Variants in GH1 observed in about 807,000 individuals in gnomAD.
The protein encoded by GH1 is growth hormone 1, also known as somatotropin.
GH1 carries 13 observed loss-of-function variants against 24.5 expected under a neutral mutation model. The ratio of observed to expected loss-of-function variants is 0.53; its 90% CI spans 0.35 to 0.85. The LOEUF is 0.85. Ranked by LOEUF, GH1 falls within the 40% of genes least tolerant of loss-of-function variation. The pLI, the probability that GH1 is intolerant of heterozygous loss-of-function variation, is 0.01. For synonymous variants in GH1, 126 were observed against 116.3 expected, an observed-to-expected ratio of 1.08 and a Z score of -0.54; for missense variants, 294 against 273.2, an observed-to-expected ratio of 1.08 and a Z score of -0.54.
In GH1 at chr17:63,918,081, G is replaced by T; in HGVS notation, c.227C>A (p.Thr76Asn). The change falls in exon 3 of 5, where the codon ACC becomes AAC. Residue 76 changes from threonine (T) to asparagine (N), a missense_variant. Physicochemically the swap from Thr to Asn is moderately conservative, Grantham distance 65. Coordinates refer to ENST00000323322, the MANE Select transcript of GH1 (RefSeq NM_000515.5). ...QKYSFLQNPQ[T>N]SLCFSESIPT... The stretch of plus-strand genomic sequence containing the variant: ...AATAGACTCTGAGAAACAGAGGGAG[G>T]TCTGGGGGTTCTGCAGGAATGAATA... 1 of 1,614,140 alleles carries T rather than the reference G, an allele frequency of 6.2e-7. No individual in the cohort carries two copies. The highest frequency in any genetic ancestry group is 8.5e-7 in the Non-Finnish European group (1 of 1,180,008).
At position 63,917,811 on chromosome 17, in the gene GH1, G is replaced by C; in HGVS notation, c.405C>G (p.Asn135Lys). The C allele has an allele frequency of 6.2e-7, 1 of 1,614,142 alleles. No individual in the cohort carries two copies. The highest frequency in any genetic ancestry group is 8.5e-7 in the Non-Finnish European group (1 of 1,180,044). ...CTAGGTCCTTTAGGAGGTCATAGAC[G>C]TTGCTGTCAGAGGCGCCGTACACCA... is the stretch of plus-strand genomic sequence containing the variant. ...NSLVYGASDS[N>K]VYDLLKDLEE... Residue 135 changes from asparagine (N) to lysine (K), a missense_variant, in exon 4 of 5, where the codon AAC becomes AAG. Asn to Lys is a moderately conservative substitution (Grantham distance 94). Transcript: ENST00000323322.
At chr17:63,917,721 TGG>T (rs1479325637) in intron 4 of GH1, 37 bp downstream of exon 4, 1 of 1,614,162 alleles carries the variant, frequency 6.2e-7, no homozygotes, top group Non-Finnish European at 8.5e-7. Flanking sequence ...TCAAAGTCAG[TGG>T]GGCTCCAGGA....
At position 63,918,780 on chromosome 17, in the gene GH1, A is replaced by C. The variant is rs6173; in HGVS notation, c.-4T>G. On this transcript the variant is annotated 5_prime_UTR_variant, in exon 1 of 5. Coordinates refer to ENST00000323322, the MANE Select transcript of GH1 (RefSeq NM_000515.5). ...AGGGGCGCTTACCTGTAGCCATTGC[A>C]GCTAGGTGAGCTGTCCACAGGACCC... The C allele has an allele frequency of 0.042, 66,978 of 1,606,548 alleles. 1,831 individuals carry two copies. The highest frequency in any genetic ancestry group is 0.097 in the African/African-American group (7,116 of 73,610).
At position 63,917,435 on chromosome 17, in the gene GH1, T is replaced by C. The variant is rs397843499; in HGVS notation, c.528A>G (p.Ser176=). 5 of 1,613,954 alleles carry C rather than the reference T, an allele frequency of 3.1e-6. No homozygotes were observed. Among genetic ancestry groups the C allele is most frequent in the African/African-American group, 2.7e-5 (2 of 75,022 alleles). The change falls in exon 5 of 5, where the codon TCA becomes TCG. Residue 176 remains serine, a synonymous_variant. Coordinates refer to ENST00000323322, the MANE Select transcript of GH1 (RefSeq NM_000515.5). ...KQTYSKFDTN[S]HNDDALLKNY... Reference sequence around the variant, plus strand: ...TCTTGAGTAGTGCGTCATCGTTGTGTGAGTTTGTGTCGAACTTGCTGTAGG... The same window carrying C: ...TCTTGAGTAGTGCGTCATCGTTGTGCGAGTTTGTGTCGAACTTGCTGTAGG...
Position 63,918,384 on chromosome 17 carries a change from G to C in GH1, c.133C>G (p.Arg45Gly). ...GTGTCAAAGGCCAGCTGGTGCAGACGATGGGCGCGGAGCATAGCGTTGTCA... is the reference window on the plus strand; with the variant it reads ...GTGTCAAAGGCCAGCTGGTGCAGACCATGGGCGCGGAGCATAGCGTTGTCA... The part of the protein sequence containing the change: ...LFDNAMLRAH[R>G]LHQLAFDTYQ... Residue 45 changes from arginine to glycine, a missense_variant, in exon 2 of 5, where the codon CGT (arginine) becomes GGT (glycine). Physicochemically the swap from Arg to Gly is moderately radical, Grantham distance 125. Transcript: ENST00000323322. 5 of 1,614,162 alleles carry C rather than the reference G, an allele frequency of 3.1e-6. No homozygotes were observed. Among genetic ancestry groups the C allele is most frequent in the South Asian group, 2.2e-5 (2 of 91,078 alleles).
chr17:63,918,472 C>T lies in GH1; in HGVS notation c.45G>A (p.Leu15=). ...SRTSLLLAFG[L]LCLPWLQEGS... ...CCTCTTGAAGCCAGGGCAGGCAGAG[C>T]AGGCCAAAAGCCAGGAGCAGGGACG... is the stretch of plus-strand genomic sequence containing the variant. Residue 15 remains leucine, a synonymous_variant, in exon 2 of 5, where the codon CTG becomes CTA. Transcript: ENST00000323322. The T allele has an allele frequency of 1.2e-6, 2 of 1,614,186 alleles. No individual in the cohort carries two copies. The highest frequency in any genetic ancestry group is 1.7e-6 in the Non-Finnish European group (2 of 1,180,034).
Position 63,918,109 on chromosome 17 carries a change from T to C in GH1, c.199A>G (p.Lys67Glu). The C allele has an allele frequency of 6.2e-7, 1 of 1,614,098 alleles. No individual in the cohort carries two copies. The highest frequency in any genetic ancestry group is 8.5e-7 in the Non-Finnish European group (1 of 1,180,008). ...TGGGGGTTCTGCAGGAATGAATACTTCTGTTCCTTTGGGATATAGGCTTCT... is the reference window on the plus strand; with the variant it reads ...TGGGGGTTCTGCAGGAATGAATACTCCTGTTCCTTTGGGATATAGGCTTCT... ...FEEAYIPKEQKYSFLQNPQTS... is the reference protein window; with the variant it reads ...FEEAYIPKEQEYSFLQNPQTS... Residue 67 changes from lysine (K) to glutamate (E), a missense_variant, in exon 3 of 5, where the codon AAG becomes GAG. By Grantham distance (56) the Lys-to-Glu change is moderately conservative. Transcript: ENST00000323322.
intron 3 of GH1, 45 bp from the exon 4 acceptor site, chr17:63,917,969 G>C: frequency 6.2e-7 from 1 of 1,614,204 alleles, no homozygotes; most frequent in East Asian, 2.2e-5. Context: ...CGGGGGCTCT[G>C]ACTACAGGTC....
intron 2 of GH1, 29 bp downstream of exon 2, chr17:63,918,316 CT>C: frequency 6.2e-7 from 1 of 1,613,942 alleles, no homozygotes; most frequent in Non-Finnish European, 8.5e-7. Context: ...CCTGCCACCC[CT>C]GATGCGCACC....
intron 1 of GH1, 45 bp downstream of exon 1, chr17:63,918,722 C>A (rs763281606): frequency 3.1e-6 from 5 of 1,613,482 alleles, no homozygotes; most frequent in African/African-American, 1.3e-5. Flanking sequence ...CGCTGCCTCT[C>A]CCCTCAGGAC....
At position 63,917,260 on chromosome 17, in the gene GH1, G is replaced by C. The variant is rs754364357; in HGVS notation, c.*49C>G. 3 of 1,613,758 alleles carry C rather than the reference G, an allele frequency of 1.9e-6. No individual in the cohort carries two copies. The highest frequency in any genetic ancestry group is 2.5e-6 in the Non-Finnish European group (3 of 1,179,714). On this transcript the variant is annotated 3_prime_UTR_variant, in exon 5 of 5. Coordinates refer to ENST00000323322, the MANE Select transcript of GH1 (RefSeq NM_000515.5). ...GTGGGCACTGGAGTGGCAACTTCCA[G>C]GGCCAGGAGAGGCACTGGGGAGGGG...
At position 63,918,501 on chromosome 17, in the gene GH1, G is replaced by A. The variant is rs140576665; in HGVS notation, c.16C>T (p.Arg6Trp). 16 of 1,613,858 alleles carry A rather than the reference G, an allele frequency of 9.9e-6. No homozygotes were observed. Among genetic ancestry groups the A allele is most frequent in the South Asian group, 5.5e-5 (5 of 91,070 alleles). Reference protein sequence around the residue: MATGSRTSLLLAFGLL... With the variant: MATGSWTSLLLAFGLL... Reference sequence around the variant, plus strand: ...CCAAAAGCCAGGAGCAGGGACGTCCGGGAGCCTGGGGAGAAACCAGAGGGC... The same window carrying A: ...CCAAAAGCCAGGAGCAGGGACGTCCAGGAGCCTGGGGAGAAACCAGAGGGC... Residue 6 changes from arginine to tryptophan, a missense_variant, in exon 2 of 5, where the codon CGG becomes TGG. Arg to Trp is a moderately radical substitution (Grantham distance 101, BLOSUM62 -3). Transcript: ENST00000323322.
Position 63,918,809 on chromosome 17 carries a change from G to A in GH1, c.-33C>T, listed in dbSNP as rs1157347820. On this transcript the variant is annotated 5_prime_UTR_variant, in exon 1 of 5. Coordinates refer to ENST00000323322, the MANE Select transcript of GH1 (RefSeq NM_000515.5). The stretch of plus-strand genomic sequence containing the variant: ...AGGTGAGCTGTCCACAGGACCCTGA[G>A]TGGTTCGGGGAGTTGGGCCTTGGGA... 3.1e-6 allele frequency: 5 copies of A among 1,613,870 alleles called. No homozygotes were observed. The highest frequency in any genetic ancestry group is 3.4e-6 in the Non-Finnish European group (4 of 1,179,864).
At chr17:63,918,706 A>G (rs1483644538) in intron 1 of GH1, 61 bp downstream of exon 1, 4 of 1,613,006 alleles carry the variant, frequency 2.5e-6, no homozygotes, top group South Asian at 1.1e-5. Flanking sequence ...CGTCCCATCT[A>G]CAGGTCGCTG....
chr17:63,918,239 C>T, intron 2 of GH1, 103 bp from the exon 3 acceptor site: 1 of 1,612,456 alleles, frequency 6.2e-7, no homozygotes, highest in Non-Finnish European at 8.5e-7. Flanking sequence ...TGCATTTTCG[C>T]TTCGGGAAAA....
chr17:63,918,738 G>T (rs1303955445), intron 1 of GH1, 29 bp downstream of exon 1: 2 of 1,613,724 alleles, frequency 1.2e-6, no homozygotes, highest in South Asian at 2.2e-5. Flanking sequence ...AGGACACATT[G>T]TGCCCAAAGG....
chr17:63,918,519 C>T lies in GH1; in HGVS notation c.11-13G>A. 6.2e-7 allele frequency: 1 copy of T among 1,613,724 alleles called. No individual in the cohort carries two copies. Among genetic ancestry groups the T allele is most frequent in the Non-Finnish European group, 8.5e-7 (1 of 1,179,966 alleles). Reference sequence around the variant, plus strand: ...GACGTCCGGGAGCCTGGGGAGAAACCAGAGGGCAACAGAGGGAGCCGGAGA... The same window carrying T: ...GACGTCCGGGAGCCTGGGGAGAAACTAGAGGGCAACAGAGGGAGCCGGAGA... On this transcript the variant is annotated splice_polypyrimidine_tract_variant and intron_variant, in intron 1 of 4. Coordinates refer to ENST00000323322, the MANE Select transcript of GH1 (RefSeq NM_000515.5).
rs1263625738 is a variant in GH1 at position 63,918,032 on chromosome 17, T to C, written c.276A>G (p.Glu92=). The change falls in exon 3 of 5, where the codon GAA becomes GAG. Residue 92 remains glutamate (E), a synonymous_variant. Transcript: ENST00000323322. The stretch of plus-strand genomic sequence containing the variant: ...ATCCACTCACGGATTTCTGTTGTGT[T>C]TCCTCCCTGTTGGAGGGTGTCGGAA... ...ESIPTPSNRE[E]TQQKSNLELL... 6.2e-7 allele frequency: 1 copy of C among 1,614,190 alleles called. No homozygotes were observed. Among genetic ancestry groups the C allele is most frequent in the South Asian group, 1.1e-5 (1 of 91,082 alleles).
At chr17:63,917,728 C>G in intron 4 of GH1, 32 bp downstream of exon 4, 5 of 1,614,162 alleles carry the variant, frequency 3.1e-6, no homozygotes, top group Non-Finnish European at 4.2e-6. Context: ...CAGTGGGGCT[C>G]CAGGATTGGG....
Sources: gnomAD v4.1 joint callset for allele counts on GRCh38, gnomAD v4.1.1 for gene constraint, MANE v1.5 for transcripts, NCBI Gene and HGNC (gene_info 2026-07-23, HGNC 2026-07-21) for gene names.